Variants in UTP18 observed in about 807,000 individuals in gnomAD.
The protein encoded by UTP18 is UTP18 small subunit processome component, also known as U3 small nucleolar RNA-associated protein 18 homolog.
Under a neutral mutation model 61.1 loss-of-function variants are expected in UTP18, and 36 were observed. That is an observed-to-expected ratio of 0.59 (90% CI 0.45 to 0.78). The LOEUF (loss-of-function observed/expected upper bound fraction) is 0.78, where lower values mean the gene tolerates loss of function less well. Ranked by LOEUF, UTP18 falls within the 30% of genes least tolerant of loss-of-function variation. UTP18 has a pLI of 0.00. For synonymous variants in UTP18, 282 were observed against 251.1 expected (o/e 1.12, Z -1.16); for missense variants, 753 against 693.9 (o/e 1.09, Z -0.96).
intron 12 of UTP18, 83 bp from the exon 13 acceptor site, chr17:51,296,882 C>G (rs1192987334): frequency 6.0e-6 from 8 of 1,341,052 alleles, no homozygotes; most frequent in Non-Finnish European, 8.2e-6. Context: ...CTAAAATCTT[C>G]CTAAGTGCCC....
rs1175034020 is a variant in UTP18 at position 51,297,767 on chromosome 17, T to C, written c.*15-15T>C. 2.3e-6 allele frequency: 1 copy of C among 433,638 alleles called. No individual in the cohort carries two copies. Among genetic ancestry groups the C allele is most frequent in the African/African-American group, 2.1e-5 (1 of 48,012 alleles). 26.9% of individuals were successfully genotyped at this position (433,638 alleles called of 1,614,324 possible). ...CTATAAATCAGGTATGTAATTTCTT[T>C]TGTTCTTTCCTCAGGTCCAGTTGAG... On this transcript the variant is annotated splice_polypyrimidine_tract_variant and intron_variant, in intron 13 of 13. Transcript: ENST00000225298.
intron 10 of UTP18, among the ~76,000 whole-genome samples, chr17:51,286,715 G>A (rs1222445886): frequency 1.3e-5 from 2 of 152,186 alleles, no homozygotes; most frequent in Non-Finnish European, 2.9e-5. Flanking sequence ...CACAAGCCAA[G>A]CATTTACCAG....
chr17:51,285,105 G>A, intron 9 of UTP18, 140 bp from the exon 10 acceptor site: 1 of 823,922 alleles, frequency 1.2e-6, no homozygotes, highest in Non-Finnish European at 1.8e-6. Context: ...TCTTAGTCCA[G>A]TTTTCCAGAA....
intron 13 of UTP18, among the ~76,000 whole-genome samples, 197 bp from the exon 14 acceptor site, chr17:51,297,585 T>C (rs1032170636): frequency 2.6e-5 from 4 of 152,192 alleles, no homozygotes. Flanking sequence ...TTAATGAATG[T>C]TGAGGGACTT....
At chr17:51,284,132 A>G (rs1409450158) in intron 9 of UTP18, among the ~76,000 whole-genome samples, 1 of 152,204 alleles carries the variant, frequency 6.6e-6, no homozygotes, top group Non-Finnish European at 1.5e-5. Flanking sequence ...GTGTTTTACT[A>G]CTGCTTAACC....
intron 8 of UTP18, 135 bp downstream of exon 8, chr17:51,280,240 G>A: frequency 7.8e-7 from 1 of 1,285,522 alleles, no homozygotes; most frequent in Non-Finnish European, 1.1e-6. Context: ...GAGAGAAGTT[G>A]TGGGCAGTTG....
intron 2 of UTP18, among the ~76,000 whole-genome samples, chr17:51,263,857 A>C (rs1443414971): frequency 6.6e-6 from 1 of 152,200 alleles, no homozygotes; most frequent in Non-Finnish European, 1.5e-5. Flanking sequence ...GTCATGGATG[A>C]GAATGTACTG....
At chr17:51,269,841 G>A (rs755057497) in intron 4 of UTP18, among the ~76,000 whole-genome samples, 3 of 108,184 alleles carry the variant, frequency 2.8e-5, no homozygotes, top group Non-Finnish European at 6.4e-5. Context: ...ATAATGTATT[G>A]TGTGTGTGTG....
intron 10 of UTP18, chr17:51,286,376 G>A (rs7215691): frequency 0.013 from 5,451 of 427,130 alleles, 272 homozygotes; most frequent in African/African-American, 0.1. Flanking sequence ...ACACAATTGA[G>A]CCATGAAATG....
Position 51,260,735 on chromosome 17 carries a change from C to T in UTP18, c.151C>T (p.Pro51Ser). The T allele has an allele frequency of 6.3e-7, 1 of 1,589,292 alleles. No homozygotes were observed. Among genetic ancestry groups the T allele is most frequent in the Non-Finnish European group, 8.6e-7 (1 of 1,168,822 alleles). The change falls in exon 1 of 14, where the codon CCG (proline) becomes TCG (serine). Residue 51 changes from proline (P) to serine (S), a missense_variant. Transcript: ENST00000225298. ...KPAPSSQRKP[P>S]ARPSAAAAAI... ...TGCCCCTTCATCCCAGCGGAAACCGCCGGCCCGGCCGAGCGCGGCGGCCGC... is the reference window on the plus strand; with the variant it reads ...TGCCCCTTCATCCCAGCGGAAACCGTCGGCCCGGCCGAGCGCGGCGGCCGC...
rs980392187 is a variant in UTP18, at chr17:51,277,032, A to G, written c.838-98A>G. 8.1e-5 allele frequency: 104 copies of G among 1,277,774 alleles called. No homozygotes were observed. In the African/African-American group the frequency reaches 1.4e-3, roughly 17 times the overall value. 79.2% of individuals were successfully genotyped at this position (1,277,774 alleles called of 1,614,324 possible). ...TAAGTCAGCCTTCAGCCCCTTGGAT[A>G]TGTATTTTTAAATGAACACTTGTAG... On this transcript the variant is annotated intron_variant, in intron 6 of 13. Transcript: ENST00000225298.
intron 3 of UTP18, among the ~76,000 whole-genome samples, chr17:51,266,780 T>C (rs1465677352): frequency 6.6e-6 from 1 of 152,220 alleles, no homozygotes; most frequent in Non-Finnish European, 1.5e-5. Flanking sequence ...CTAAGAAAAT[T>C]AACAGTTTAC....
At chr17:51,291,153 T>C (rs1042737708) in intron 11 of UTP18, among the ~76,000 whole-genome samples, 1 of 152,030 alleles carries the variant, frequency 6.6e-6, no homozygotes, top group Admixed American at 6.5e-5. Flanking sequence ...CAGCACTTTG[T>C]GAGGCCGAGG....
intron 10 of UTP18, chr17:51,286,689 G>A: frequency 2.6e-6 from 1 of 391,810 alleles, no homozygotes; most frequent in South Asian, 1.9e-5. Context: ...CAACCCTGTA[G>A]CGAGGGACAT....
intron 11 of UTP18, among the ~76,000 whole-genome samples, chr17:51,293,120 G>C (rs1275838780): frequency 6.6e-6 from 1 of 152,110 alleles, no homozygotes; most frequent in Non-Finnish European, 1.5e-5. Flanking sequence ...TTTTCCCTGT[G>C]ATCAGATTTT....
At chr17:51,297,677 A>G (rs549567172) in intron 13 of UTP18, 105 bp from the exon 14 acceptor site, 4 of 410,364 alleles carry the variant, frequency 9.7e-6, no homozygotes, top group Middle Eastern at 3.4e-4. Flanking sequence ...AAGGAGGGGA[A>G]AGCAGTTTAG....
chr17:51,268,978 T>G, intron 4 of UTP18, 74 bp downstream of exon 4: 1 of 1,452,982 alleles, frequency 6.9e-7, no homozygotes, highest in Non-Finnish European at 9.6e-7. Flanking sequence ...AGCTTTCTTA[T>G]GAGGCTCATT....
At chr17:51,290,326 G>A (rs1905210582) in intron 11 of UTP18, among the ~76,000 whole-genome samples, 1 of 152,154 alleles carries the variant, frequency 6.6e-6, no homozygotes, top group South Asian at 2.1e-4. Context: ...TGAGGCAGGA[G>A]AATGGCTTGA....
At position 51,260,680 on chromosome 17, in the gene UTP18, A is replaced by C; in HGVS notation, c.96A>C (p.Gly32=). The C allele has an allele frequency of 6.2e-7, 1 of 1,610,284 alleles. No homozygotes were observed. The highest frequency in any genetic ancestry group is 1.1e-5 in the South Asian group (1 of 90,760). Residue 32 remains glycine (G), a synonymous_variant, in exon 1 of 14, where the codon GGA becomes GGC. Coordinates refer to ENST00000225298, the MANE Select transcript of UTP18 (RefSeq NM_016001.3). ...KPGMRPDWKA[G]AGPGGPPQKP... is the part of the protein sequence containing the mutation. ...GAATGAGGCCGGACTGGAAAGCCGG[A>C]GCGGGGCCAGGCGGGCCTCCCCAAA...
Sources: gnomAD v4.1 joint callset for allele counts (sites outside exome capture counted in the v4.1 genomes callset) on GRCh38, gnomAD v4.1.1 for gene constraint, MANE v1.5 for transcripts, NCBI Gene and HGNC (gene_info 2026-07-23, HGNC 2026-07-21) for gene names.